The following CDK13 variants were observed in gnomAD, a reference collection of about 807,000 sequenced individuals.
CDK13 encodes the protein cyclin-dependent kinase 13.
Under a neutral mutation model 137.6 loss-of-function variants are expected in CDK13, and 40 were observed. The ratio of observed to expected loss-of-function variants is 0.29; its 90% CI spans 0.23 to 0.38. CDK13 has a LOEUF of 0.38. Among genes scored for constraint, CDK13 ranks in the 10% least tolerant of loss-of-function variants. The pLI, the probability that CDK13 is intolerant of heterozygous loss-of-function variation, is 1.00. For synonymous variants in CDK13, 869 were observed against 760.1 expected, an observed-to-expected ratio of 1.14 and a Z score of -2.36; for missense variants, 1,704 against 1,951.8, an observed-to-expected ratio of 0.87 and a Z score of 2.39.
chr7:40,002,805 C>A (rs1027966098), intron 5 of CDK13, among the ~76,000 whole-genome samples: 12 of 150,834 alleles, frequency 8.0e-5, no homozygotes, highest in Admixed American at 7.9e-4. Context: ...TGTCTCACAT[C>A]TATAAGCCAA....
At chr7:40,093,596 C>T (rs751906491) in intron 13 of CDK13, among the ~76,000 whole-genome samples, 25 of 152,106 alleles carry the variant, frequency 1.6e-4, no homozygotes, top group Non-Finnish European at 2.6e-4. Flanking sequence ...TGCACCTAGC[C>T]GTAATTAGCT....
chr7:39,987,901 G>T lies in CDK13; in HGVS notation c.1514G>T (p.Ser505Ile), dbSNP rs778059575. The T allele has an allele frequency of 1.2e-5, 20 of 1,614,074 alleles. No individual in the cohort carries two copies. The South Asian group carries it at 2.1e-4, about 17-fold the overall frequency. The part of the protein sequence containing the change: ...PTKGNTETSA[S>I]ASQTNHVKDV... ...AAGGGGAACACGGAAACTAGTGCCAGTGCATCACAAACAAACCATGTGAAG... is the reference window on the plus strand; with the variant it reads ...AAGGGGAACACGGAAACTAGTGCCATTGCATCACAAACAAACCATGTGAAG... Residue 505 changes from serine to isoleucine, a missense_variant, in exon 2 of 14, where the codon AGT becomes ATT. This residue lies in a region of CDK13 where 1,051 missense variants were observed against 931.0 expected (regional missense o/e 1.13). Transcript: ENST00000181839.
chr7:39,975,268 G>A (rs1391243889), intron 1 of CDK13, among the ~76,000 whole-genome samples: 1 of 152,018 alleles, frequency 6.6e-6, no homozygotes, highest in Non-Finnish European at 1.5e-5. Flanking sequence ...ACAAAAATTT[G>A]CCGGGCCTGG....
chr7:39,989,546 T>C (rs1405553799), intron 2 of CDK13, among the ~76,000 whole-genome samples: 1 of 152,182 alleles, frequency 6.6e-6, no homozygotes, highest in East Asian at 1.9e-4. Flanking sequence ...GAGGTGCCTT[T>C]TTAAAAATAA....
chr7:40,074,493 A>G (rs147782488), intron 9 of CDK13, among the ~76,000 whole-genome samples: 12,635 of 147,798 alleles, frequency 0.085, 922 homozygotes, highest in East Asian at 0.33. Context: ...ACTGCACTCC[A>G]GCCTGGGCGA....
intron 9 of CDK13, among the ~76,000 whole-genome samples, chr7:40,076,856 A>C (rs962808290): frequency 6.6e-6 from 1 of 152,188 alleles, no homozygotes; most frequent in African/African-American, 2.4e-5. Context: ...ACTTTTAATC[A>C]GTGATACATC....
In CDK13 at chr7:40,092,411, A is replaced by T. The variant is rs139930920; in HGVS notation, c.3236-374A>T. 392 of 185,456 alleles carry T rather than the reference A, an allele frequency of 2.1e-3. 3 individuals carry two copies. The highest frequency in any genetic ancestry group is 8.6e-3 in the African/African-American group (362 of 42,228). The allele number at this position is 185,456 out of a possible 1,614,324, so 11.5% of individuals were successfully genotyped here. ...CTGCCTTCTAAGGTTGTTGTAAGGA[A>T]TAAAGGATATTAAATGCTTAGAAGG... On this transcript the variant is annotated intron_variant, in intron 12 of 13. Transcript: ENST00000181839.
intron 5 of CDK13, among the ~76,000 whole-genome samples, chr7:40,037,887 C>G (rs1584022933): frequency 6.6e-6 from 1 of 152,204 alleles, no homozygotes; most frequent in East Asian, 1.9e-4. Context: ...AAATATACCC[C>G]CCAGCTGTAT....
intron 1 of CDK13, among the ~76,000 whole-genome samples, chr7:39,971,949 A>G (rs1441519131): frequency 6.6e-6 from 1 of 152,214 alleles, no homozygotes; most frequent in Non-Finnish European, 1.5e-5. Context: ...TTCTGTTGAT[A>G]TTAATAAGGT....
chr7:39,961,038 G>T (rs980562342), intron 1 of CDK13, among the ~76,000 whole-genome samples: 10 of 151,722 alleles, frequency 6.6e-5, no homozygotes, highest in Admixed American at 6.6e-4. Context: ...AACACAGCTC[G>T]AAACAGCCAT....
chr7:39,972,725 G>GT (rs1784026243), intron 1 of CDK13, among the ~76,000 whole-genome samples: 1 of 152,026 alleles, frequency 6.6e-6, no homozygotes, highest in East Asian at 1.9e-4. Flanking sequence ...GGACCTTTGG[G>GT]TTAACTTTTT....
chr7:39,971,666 C>T (rs1015561693), intron 1 of CDK13, among the ~76,000 whole-genome samples: 5 of 148,546 alleles, frequency 3.4e-5, no homozygotes, highest in African/African-American at 1.2e-4. Flanking sequence ...AGGCAGATCA[C>T]GAGGTCAGGA....
intron 5 of CDK13, among the ~76,000 whole-genome samples, chr7:40,019,167 T>C (rs942193380): frequency 5.9e-5 from 9 of 152,222 alleles, no homozygotes; most frequent in African/African-American, 9.6e-5. Flanking sequence ...AAGAAAACTT[T>C]TGAGGGTGGT....
intron 9 of CDK13, chr7:40,072,158 G>C (rs542128357): frequency 2.0e-5 from 3 of 152,098 alleles, no homozygotes; most frequent in Non-Finnish European, 2.9e-5. Context: ...AGAGAGTCTG[G>C]TTCTGTCACC....
intron 12 of CDK13, among the ~76,000 whole-genome samples, chr7:40,089,723 A>AGAGAGAGTGT (rs1491307176): frequency 3.2e-5 from 4 of 125,228 alleles, no homozygotes; most frequent in African/African-American, 1.3e-4. Context: ...AGAGAGAGAG[A>AGAGAGAGTGT]GTGTGTGTGT....
chr7:40,018,846 A>G (rs1389095434), intron 5 of CDK13, among the ~76,000 whole-genome samples: 1 of 152,180 alleles, frequency 6.6e-6, no homozygotes, highest in African/African-American at 2.4e-5. Flanking sequence ...CAATTCATCC[A>G]TGTAACCAAA....
chr7:40,063,944 G>C (rs1584057427), intron 9 of CDK13, among the ~76,000 whole-genome samples: 1 of 152,144 alleles, frequency 6.6e-6, no homozygotes, highest in South Asian at 2.1e-4. Flanking sequence ...ACAGGCATGA[G>C]CCACCTCATC....
chr7:40,017,592 A>G (rs1785028939), intron 5 of CDK13, among the ~76,000 whole-genome samples: 3 of 151,902 alleles, frequency 2.0e-5, no homozygotes, highest in Non-Finnish European at 4.4e-5. Context: ...GACATTTTCT[A>G]CTGATTTAGA....
rs1787164741 is a variant in CDK13, at chr7:39,951,136, A to C, written c.495A>C (p.Ala165=). The part of the protein sequence containing the change: ...QGLLLGGASA[A]TAATAAGGTG... The stretch of plus-strand genomic sequence containing the variant: ...TGCTGCTGGGGGGGGCCAGCGCGGC[A>C]ACGGCGGCGACGGCTGCCGGGGGAA... The change falls in exon 1 of 14, where the codon GCA becomes GCC. Residue 165 remains alanine, a synonymous_variant. Coordinates refer to ENST00000181839, the MANE Select transcript of CDK13 (RefSeq NM_003718.5). 1 of 1,242,960 alleles carries C rather than the reference A, an allele frequency of 8.0e-7. No homozygotes were observed. The highest frequency in any genetic ancestry group is 3.8e-5 in the South Asian group (1 of 26,610). The allele number at this position is 1,242,960 out of a possible 1,614,324, so 77.0% of individuals were successfully genotyped here.
Sources: gnomAD v4.1 joint callset for allele counts (sites outside exome capture counted in the v4.1 genomes callset) on GRCh38, gnomAD v4.1.1 for gene constraint, gnomAD v4.1.1 regional missense constraint, MANE v1.5 for transcripts, NCBI Gene and HGNC (gene_info 2026-07-23, HGNC 2026-07-21) for gene names.